The following UBE2E2 variants were observed in gnomAD, a reference collection of about 807,000 sequenced individuals.
The protein encoded by UBE2E2 is ubiquitin conjugating enzyme E2 E2, also known as ubiquitin-conjugating enzyme E2 E2.
In UBE2E2, 6 loss-of-function variants were observed where a neutral mutation model predicts 24.7. That is an observed-to-expected ratio of 0.24 (90% CI 0.13 to 0.48). UBE2E2 has a LOEUF of 0.48. UBE2E2 is among the 20% of genes least tolerant of loss of function. The pLI is 0.99. For synonymous variants in UBE2E2, 104 were observed against 83.6 expected (o/e 1.24, Z -1.33); for missense variants, 169 against 245.0 (o/e 0.69, Z 2.07).
intron 3 of UBE2E2, among the ~76,000 whole-genome samples, chr3:23,252,061 G>T (rs1697589663): frequency 6.6e-6 from 1 of 151,986 alleles, no homozygotes; most frequent in Admixed American, 6.6e-5. Flanking sequence ...TAAGCTTTTT[G>T]GCCTAATTGA....
At position 23,203,458 on chromosome 3, in the gene UBE2E2, C is replaced by CG. The variant is rs573945417; in HGVS notation, c.-15_-14insG. The CG allele has an allele frequency of 1.4e-3, 1,340 of 979,462 alleles. 14 individuals are homozygous for CG. In the African/African-American group the frequency reaches 0.02, roughly 15 times the overall value. The allele number at this position is 979,462 out of a possible 1,614,324, so 60.7% of individuals were successfully genotyped here. A position where few individuals can be genotyped will look rare whatever the true frequency, so the allele number is the denominator to read the frequency against. On this transcript the variant is annotated 5_prime_UTR_variant, in exon 1 of 6. Transcript: ENST00000396703. ...GCCTGCGACCTGCACGGACACCCCCCCCTCAGGTATTCGCTCGGGCCGCGC... is the reference window on the plus strand; with the variant it reads ...GCCTGCGACCTGCACGGACACCCCCCGCCTCAGGTATTCGCTCGGGCCGCGC...
intron 4 of UBE2E2, among the ~76,000 whole-genome samples, chr3:23,503,747 A>G (rs1323538828): frequency 6.6e-6 from 1 of 151,878 alleles, no homozygotes; most frequent in East Asian, 2.0e-4. Context: ...CCAGCTTCTC[A>G]GGAGGCTGAG....
At chr3:23,339,442 A>G (rs988630613) in intron 3 of UBE2E2, among the ~76,000 whole-genome samples, 19 of 152,136 alleles carry the variant, frequency 1.2e-4, no homozygotes, top group Non-Finnish European at 8.8e-5. Context: ...GATTTAGATA[A>G]TTGTACTGTG....
intron 3 of UBE2E2, among the ~76,000 whole-genome samples, chr3:23,354,871 A>G (rs1318849464): frequency 1.3e-5 from 2 of 152,222 alleles, no homozygotes; most frequent in East Asian, 1.9e-4. Flanking sequence ...CAGCCATCCC[A>G]TTACTGGGTA....
intron 2 of UBE2E2, among the ~76,000 whole-genome samples, chr3:23,213,609 GA>G (rs1329885861): frequency 2.0e-5 from 3 of 152,116 alleles, no homozygotes; most frequent in Non-Finnish European, 2.9e-5. Flanking sequence ...ACTGCCTTAT[GA>G]AAATTGGAAA....
intron 3 of UBE2E2, among the ~76,000 whole-genome samples, chr3:23,243,717 A>G (rs989380634): frequency 2.6e-5 from 4 of 151,094 alleles, no homozygotes; most frequent in Non-Finnish European, 5.9e-5. Context: ...TATTTTAAAA[A>G]TCTGAAATCA....
rs1473910790 is a variant in UBE2E2 at position 23,340,087 on chromosome 3, A to C, written c.227+122775A>C. On this transcript the variant is annotated intron_variant, in intron 3 of 5. Transcript: ENST00000396703. Reference sequence around the variant, plus strand: ...AAGCTTAACTGTTTTGCCAGGACCTACGTAGTTAACCTATATTGGAGGTGA... The same window carrying C: ...AAGCTTAACTGTTTTGCCAGGACCTCCGTAGTTAACCTATATTGGAGGTGA... Among the ~76,000 whole-genome samples, 3 of 152,196 alleles carry C rather than the reference A, an allele frequency of 2.0e-5. No homozygotes were observed. The East Asian group carries it at 5.8e-4, about 29-fold the overall frequency.
chr3:23,359,458 C>T (rs895281146), intron 3 of UBE2E2, among the ~76,000 whole-genome samples: 5 of 152,172 alleles, frequency 3.3e-5, no homozygotes, highest in Non-Finnish European at 7.3e-5. Flanking sequence ...AGACTATCTC[C>T]TTGTTCCTTC....
At chr3:23,571,367 GCAAC>G (rs1004634994) in intron 5 of UBE2E2, among the ~76,000 whole-genome samples, 1 of 138,602 alleles carries the variant, frequency 7.2e-6, no homozygotes, top group Non-Finnish European at 1.5e-5. Flanking sequence ...TCAGCTCACT[GCAAC>G]CTCCGTTTCC....
intron 3 of UBE2E2, among the ~76,000 whole-genome samples, chr3:23,224,156 G>GTT (rs531661466): frequency 0.084 from 7,821 of 93,400 alleles, 429 homozygotes; most frequent in Admixed American, 0.2. Context: ...TAAATTTTAG[G>GTT]TTTTTTTTTT....
intron 3 of UBE2E2, among the ~76,000 whole-genome samples, chr3:23,282,064 C>A (rs75777861): frequency 6.6e-6 from 1 of 152,156 alleles, no homozygotes; most frequent in African/African-American, 2.4e-5. Context: ...AGCTTTATAA[C>A]CAGCAAGGGG....
intron 3 of UBE2E2, among the ~76,000 whole-genome samples, chr3:23,325,508 T>C (rs567416970): frequency 2.6e-5 from 4 of 152,338 alleles, no homozygotes; most frequent in South Asian, 2.1e-4. Context: ...CAGAAAACAT[T>C]AGATATATTT....
intron 3 of UBE2E2, among the ~76,000 whole-genome samples, chr3:23,358,019 A>G (rs920087065): frequency 2.6e-5 from 4 of 152,022 alleles, no homozygotes; most frequent in East Asian, 1.9e-4. Context: ...TATTTTTTAT[A>G]GAGATGGAAT....
At chr3:23,352,476 T>TA in intron 3 of UBE2E2, among the ~76,000 whole-genome samples, 1 of 152,172 alleles carries the variant, frequency 6.6e-6, no homozygotes, top group South Asian at 2.1e-4. Flanking sequence ...ACAAAATTGT[T>TA]AGACCGCTAG....
chr3:23,382,664 ACT>A (rs1374987610), intron 3 of UBE2E2, among the ~76,000 whole-genome samples: 1 of 152,026 alleles, frequency 6.6e-6, no homozygotes, highest in African/African-American at 2.4e-5. Context: ...ATTTTAAAAA[ACT>A]CTGAAAAATC....
intron 3 of UBE2E2, among the ~76,000 whole-genome samples, chr3:23,471,409 A>G (rs1034716938): frequency 1.3e-5 from 2 of 152,186 alleles, no homozygotes; most frequent in Admixed American, 6.5e-5. Flanking sequence ...GCCAACAACT[A>G]CAAAATCAGT....
Position 23,589,773 on chromosome 3 carries a change from C to A in UBE2E2, c.548C>A (p.Thr183Asn). 1 of 1,614,200 alleles carries A rather than the reference C, an allele frequency of 6.2e-7. No individual in the cohort carries two copies. Among genetic ancestry groups the A allele is most frequent in the Non-Finnish European group, 8.5e-7 (1 of 1,180,022 alleles). ...LVGSIATQYM[T>N]NRAEHDRMAR... is the part of the protein sequence containing the mutation. The stretch of plus-strand genomic sequence containing the variant: ...GGCAGCATCGCCACACAGTACATGA[C>A]CAACAGAGCAGAGCATGACCGGATG... The change falls in exon 6 of 6, where the codon ACC becomes AAC. Residue 183 changes from threonine (T) to asparagine (N), a missense_variant. Thr to Asn is a moderately conservative substitution (Grantham distance 65). Transcript: ENST00000396703. The surrounding 1 kb of genome is among the most constrained non-coding windows in gnomAD (Gnocchi z 4.1).
chr3:23,561,482 G>A (rs934712700), intron 5 of UBE2E2, among the ~76,000 whole-genome samples: 4 of 152,168 alleles, frequency 2.6e-5, no homozygotes, highest in African/African-American at 4.8e-5. Context: ...TGGCCTTGTA[G>A]TATAGTTTGA....
At chr3:23,224,156 G>GTTTTTTTTTTTTTTTTTTTTTTTTTTTT (rs531661466) in intron 3 of UBE2E2, among the ~76,000 whole-genome samples, 1 of 93,718 alleles carries the variant, frequency 1.1e-5, no homozygotes. Context: ...TAAATTTTAG[G>GTTTTTTTTTTTTTTTTTTTTTTTTTTTT]TTTTTTTTTT....
Sources: gnomAD v4.1 joint callset for allele counts (sites outside exome capture counted in the v4.1 genomes callset) on GRCh38, gnomAD v4.1.1 for gene constraint, Gnocchi (gnomAD v3.1) non-coding constraint, MANE v1.5 for transcripts, NCBI Gene and HGNC (gene_info 2026-07-23, HGNC 2026-07-21) for gene names.